The following MDFI variants were observed in gnomAD, a reference collection of about 807,000 sequenced individuals.
MDFI encodes the protein inhibitor of MyoD family a.
A neutral mutation model predicts 22.3 loss-of-function variants in MDFI; 16 were observed. The ratio of observed to expected loss-of-function variants is 0.72; its 90% CI spans 0.49 to 1.09. MDFI has a LOEUF of 1.09. Among genes scored for constraint, MDFI ranks in the 50% least tolerant of loss-of-function variants. The probability of loss-of-function intolerance (pLI) is 0.00; values close to 1 mark genes in which losing one functional copy is unlikely to be tolerated. For synonymous variants in MDFI, 145 were observed against 142.7 expected (o/e 1.02, Z -0.12); for missense variants, 314 against 326.1 (o/e 0.96, Z 0.29).
At position 41,638,959 on chromosome 6, in the gene MDFI, G is replaced by C; in HGVS notation, c.76+134G>C. On this transcript the variant is annotated intron_variant, in intron 2 of 4. Transcript: ENST00000230321. The surrounding 1 kb of genome is among the most constrained non-coding windows in gnomAD (Gnocchi z 7.6). ...AGCTTGGTGGGGGTAGGGACGAAAA[G>C]TCTGGGTTTGAGGACTTGGTCCAAG... 1 of 1,066,154 alleles carries C rather than the reference G, an allele frequency of 9.4e-7. No individual in the cohort carries two copies. The highest frequency in any genetic ancestry group is 1.6e-5 in the South Asian group (1 of 60,782). The allele number at this position is 1,066,154 out of a possible 1,614,324, so 66.0% of individuals were successfully genotyped here.
Position 41,653,984 on chromosome 6 carries a change from T to C in MDFI, c.*409T>C, listed in dbSNP as rs1034658414. The C allele has an allele frequency of 4.0e-5, 10 of 247,860 alleles. No individual in the cohort carries two copies. Among genetic ancestry groups the C allele is most frequent in the Non-Finnish European group, 7.9e-5 (10 of 126,988 alleles). 15.4% of individuals were successfully genotyped at this position (247,860 alleles called of 1,614,324 possible). A position where few individuals can be genotyped will look rare whatever the true frequency, so the allele number is the denominator to read the frequency against. On this transcript the variant is annotated 3_prime_UTR_variant, in exon 5 of 5. Coordinates refer to ENST00000230321, the MANE Select transcript of MDFI (RefSeq NM_005586.4). The surrounding 1 kb of genome is among the most constrained non-coding windows in gnomAD (Gnocchi z 4.2). Reference sequence around the variant, plus strand: ...CCTCTCCCTGCTCCTGGTGCCTGCCTCTCTCCTCCACCCCAGGCTTAGAGG... The same window carrying C: ...CCTCTCCCTGCTCCTGGTGCCTGCCCCTCTCCTCCACCCCAGGCTTAGAGG...
Position 41,653,398 on chromosome 6 carries a change from C to T in MDFI, c.564C>T (p.Thr188=), listed in dbSNP as rs753620326. Residue 188 remains threonine, a synonymous_variant, in exon 5 of 5, where the codon ACC becomes ACT. Coordinates refer to ENST00000230321, the MANE Select transcript of MDFI (RefSeq NM_005586.4). This position sits in a 1 kb window ranked among gnomAD's most constrained non-coding sequence, Gnocchi z 4.2. Reference sequence around the variant, plus strand: ...GCAACATCGTCCTGGACTGCGCCACCTGTGGCTCCTGCAGCTCGGAGGACT... The same window carrying T: ...GCAACATCGTCCTGGACTGCGCCACTTGTGGCTCCTGCAGCTCGGAGGACT... ...TLCNIVLDCA[T]CGSCSSEDSC... The T allele has an allele frequency of 2.4e-5, 38 of 1,610,840 alleles. No homozygotes were observed. Among genetic ancestry groups the T allele is most frequent in the Non-Finnish European group, 3.2e-5 (38 of 1,180,012 alleles).
chr6:41,645,153 C>T (rs563643397), intron 2 of MDFI, among the ~76,000 whole-genome samples: 4 of 152,148 alleles, frequency 2.6e-5, no homozygotes, highest in African/African-American at 9.6e-5. Flanking sequence ...AGGCTGAGGT[C>T]TGATGAGAGG....
intron 2 of MDFI, among the ~76,000 whole-genome samples, chr6:41,641,103 T>C (rs989372186): frequency 3.3e-5 from 5 of 152,190 alleles, no homozygotes; most frequent in African/African-American, 1.2e-4. Flanking sequence ...GGGGTTCAGG[T>C]CCAGGTGCCA....
chr6:41,641,631 G>T (rs1467942092), intron 2 of MDFI, among the ~76,000 whole-genome samples: 3 of 152,196 alleles, frequency 2.0e-5, no homozygotes, highest in African/African-American at 4.8e-5. Context: ...CTGACCATAT[G>T]AGGTTCTGGC....
intron 2 of MDFI, among the ~76,000 whole-genome samples, chr6:41,645,918 C>T (rs972376324): frequency 2.0e-5 from 3 of 152,228 alleles, no homozygotes; most frequent in Non-Finnish European, 4.4e-5. Context: ...AATGCATGCA[C>T]ACCCTTGCTC....
chr6:41,638,705 T>G lies in MDFI; in HGVS notation c.-11-34T>G, dbSNP rs558318212. On this transcript the variant is annotated intron_variant, in intron 1 of 4. Transcript: ENST00000230321. The surrounding 1 kb of genome is among the most constrained non-coding windows in gnomAD (Gnocchi z 7.6). The stretch of plus-strand genomic sequence containing the variant: ...GCGGGGGAATCGCCCCTTGCCCGCC[T>G]CCGGCGCCGCCCGCTGAGCCCTGTT... The G allele has an allele frequency of 5.1e-5, 78 of 1,538,506 alleles. No individual in the cohort carries two copies. In the African/African-American group the frequency reaches 1.0e-3, roughly 20 times the overall value.
intron 2 of MDFI, among the ~76,000 whole-genome samples, chr6:41,643,548 G>GGGAAGGAAGGAAGGAAGGCAGGAAGGAA (rs1767929818): frequency 1.3e-5 from 1 of 75,346 alleles, no homozygotes; most frequent in East Asian, 3.5e-4. Flanking sequence ...GAGGGAAGGA[G>GGGAAGGAAGGAAGGAAGGCAGGAAGGAA]GGAAGGAAGG....
intron 4 of MDFI, among the ~76,000 whole-genome samples, chr6:41,651,490 T>G (rs1206219103): frequency 7.8e-6 from 1 of 128,370 alleles, no homozygotes; most frequent in African/African-American, 3.1e-5. Flanking sequence ...GAGGGTGAAC[T>G]GCCAAAGGTG....
At chr6:41,639,937 G>A in intron 2 of MDFI, 1 of 985,148 alleles carries the variant, frequency 1.0e-6, no homozygotes, top group Non-Finnish European at 1.2e-6. Flanking sequence ...ACGCCTAGTT[G>A]TGGAGGTGGG....
chr6:41,638,439 G>A, upstream of MDFI: 1 of 408,824 alleles, frequency 2.4e-6, no homozygotes. This position sits in a 1 kb window ranked among gnomAD's most constrained non-coding sequence, Gnocchi z 7.6. Flanking sequence ...AGTAGGGGAG[G>A]AGCGAGGGGG....
At chr6:41,648,973 C>G (rs1057335321) in intron 3 of MDFI, among the ~76,000 whole-genome samples, 3 of 152,188 alleles carry the variant, frequency 2.0e-5, no homozygotes, top group African/African-American at 4.8e-5. Flanking sequence ...TCTTCCCTCC[C>G]TCCTCTCCCA....
At chr6:41,647,556 G>GCTCCCAGCATGGAGC (rs1561832291) in intron 3 of MDFI, among the ~76,000 whole-genome samples, 1 of 152,130 alleles carries the variant, frequency 6.6e-6, no homozygotes, top group East Asian at 1.9e-4. Flanking sequence ...CTTGCTGGAG[G>GCTCCCAGCATGGAGC]CTCCCAGCAT....
At position 41,653,757 on chromosome 6, in the gene MDFI, G is replaced by A; in HGVS notation, c.*182G>A. On this transcript the variant is annotated 3_prime_UTR_variant, in exon 5 of 5. Transcript: ENST00000230321. This position sits in a 1 kb window ranked among gnomAD's most constrained non-coding sequence, Gnocchi z 4.2. ...AAAATAGTGGGGGGCACTCAGAGGG[G>A]CCACCTCCTCAGCCGTGGGTGGTGG... The A allele has an allele frequency of 1.4e-6, 1 of 734,532 alleles. No homozygotes were observed. The highest frequency in any genetic ancestry group is 2.2e-6 in the Non-Finnish European group (1 of 457,494). 45.5% of individuals were successfully genotyped at this position (734,532 alleles called of 1,614,324 possible). A position where few individuals can be genotyped will look rare whatever the true frequency, so the allele number is the denominator to read the frequency against.
rs912312434 is a variant in MDFI, at chr6:41,653,090, G to C, written c.485-229G>C. ...AAACAAATAAACAGAGGGTGGCTAAGAGCAAGGATGATCCAGACTGCCCGC... is the reference window on the plus strand; with the variant it reads ...AAACAAATAAACAGAGGGTGGCTAACAGCAAGGATGATCCAGACTGCCCGC... On this transcript the variant is annotated intron_variant, in intron 4 of 4. Transcript: ENST00000230321. The surrounding 1 kb of genome is among the most constrained non-coding windows in gnomAD (Gnocchi z 4.2). Among the ~76,000 whole-genome samples, 4 of 152,210 alleles carry C rather than the reference G, an allele frequency of 2.6e-5. No homozygotes were observed. Among genetic ancestry groups the C allele is most frequent in the Non-Finnish European group, 5.9e-5 (4 of 68,034 alleles).
intron 2 of MDFI, among the ~76,000 whole-genome samples, chr6:41,644,362 T>G (rs1478045024): frequency 6.6e-6 from 1 of 152,048 alleles, no homozygotes; most frequent in Admixed American, 6.5e-5. Flanking sequence ...GCGCCAGCCC[T>G]CCCTCCCCAT....
At chr6:41,647,052 A>G (rs1768078256) in intron 3 of MDFI, among the ~76,000 whole-genome samples, 1 of 152,226 alleles carries the variant, frequency 6.6e-6, no homozygotes, top group Non-Finnish European at 1.5e-5. Flanking sequence ...GCCTGCCTGC[A>G]TGCCCAGCTG....
chr6:41,641,096 G>A (rs1393002717), intron 2 of MDFI, among the ~76,000 whole-genome samples: 2 of 152,256 alleles, frequency 1.3e-5, no homozygotes, highest in South Asian at 4.1e-4. Context: ...CTTTCTTGGG[G>A]TTCAGGTCCA....
At position 41,653,700 on chromosome 6, in the gene MDFI, C is replaced by G; in HGVS notation, c.*125C>G. 8.1e-7 allele frequency: 1 copy of G among 1,235,060 alleles called. No individual in the cohort carries two copies. Among genetic ancestry groups the G allele is most frequent in the Non-Finnish European group, 1.1e-6 (1 of 891,228 alleles). 76.5% of individuals were successfully genotyped at this position (1,235,060 alleles called of 1,614,324 possible). ...GCCCCCTCTCCCTGGTCCTCTCCTA[C>G]CCACCCATGTCCTCTCAGAACCCCA... is the stretch of plus-strand genomic sequence containing the variant. On this transcript the variant is annotated 3_prime_UTR_variant, in exon 5 of 5. Transcript: ENST00000230321. The surrounding 1 kb of genome is among the most constrained non-coding windows in gnomAD (Gnocchi z 4.2).
Sources: gnomAD v4.1 joint callset for allele counts (sites outside exome capture counted in the v4.1 genomes callset) on GRCh38, gnomAD v4.1.1 for gene constraint, Gnocchi (gnomAD v3.1) non-coding constraint, MANE v1.5 for transcripts, NCBI Gene and HGNC (gene_info 2026-07-23, HGNC 2026-07-21) for gene names.